SPTBN4: variants seen among roughly 807,000 people sequenced by gnomAD.
SPTBN4 encodes the protein spectrin beta chain, non-erythrocytic 4.
Under a neutral mutation model 277.8 loss-of-function variants are expected in SPTBN4, and 96 were observed. The observed-to-expected ratio is 0.35, with a 90% CI of 0.29 to 0.41. SPTBN4 has a LOEUF of 0.41. Ranked by LOEUF, SPTBN4 falls within the 10% of genes least tolerant of loss-of-function variation. The pLI is 1.00. For missense variants in SPTBN4, 3,006 were observed against 3,595.7 expected (o/e 0.84, Z 4.19); for synonymous variants, 1,481 against 1,580.3 (o/e 0.94, Z 1.49).
chr19:40,518,054 C>T (rs748960904), intron 15 of SPTBN4, among the ~76,000 whole-genome samples: 7 of 152,144 alleles, frequency 4.6e-5, no homozygotes, highest in Admixed American at 2.0e-4. Flanking sequence ...GCCTGTAATC[C>T]TAGCATTTTG....
At chr19:40,499,480 C>G (rs1453493257) in intron 7 of SPTBN4, among the ~76,000 whole-genome samples, 47 of 152,046 alleles carry the variant, frequency 3.1e-4, no homozygotes, top group Admixed American at 3.1e-3. Flanking sequence ...GCTTCAACCT[C>G]CTGTGCTCAA....
At position 40,512,818 on chromosome 19, in the gene SPTBN4, G is replaced by A; in HGVS notation, c.2029G>A (p.Gly677Ser). 13 of 1,443,708 alleles carry A rather than the reference G, an allele frequency of 9.0e-6. No homozygotes were observed. Among genetic ancestry groups the A allele is most frequent in the Admixed American group, 2.9e-5 (1 of 34,400 alleles). 89.4% of individuals were successfully genotyped at this position (1,443,708 alleles called of 1,614,324 possible). Residue 677 changes from glycine (G) to serine (S), a missense_variant, in exon 14 of 36, where the codon GGC becomes AGC. By Grantham distance (56) the Gly-to-Ser change is moderately conservative. Coordinates refer to ENST00000598249, the MANE Select transcript of SPTBN4 (RefSeq NM_020971.3). ...LEAAGGGGAA[G>S]AAGAAGTAGG... is the part of the protein sequence containing the mutation. ...GGCTGCGGGCGGCGGCGGTGCGGCG[G>A]GCGCAGCGGGCGCAGCGGGAACAGC...
chr19:40,480,225 G>A (rs1234822699), intron 2 of SPTBN4, among the ~76,000 whole-genome samples: 4 of 150,382 alleles, frequency 2.7e-5, no homozygotes, highest in South Asian at 2.1e-4. Context: ...CACTCCAGCC[G>A]GGGTTAACAG....
At position 40,570,655 on chromosome 19, in the gene SPTBN4, A is replaced by G. The variant is rs1282229007; in HGVS notation, c.7246A>G (p.Thr2416Ala). 2 of 1,550,588 alleles carry G rather than the reference A, an allele frequency of 1.3e-6. No individual in the cohort carries two copies. The highest frequency in any genetic ancestry group is 5.4e-5 in the East Asian group (2 of 37,352). ...CGCCCCCGCGCCTCCGCCACCGCCCACTCACACAGTGCAGCACGAGGGCTT... is the reference window on the plus strand; with the variant it reads ...CGCCCCCGCGCCTCCGCCACCGCCCGCTCACACAGTGCAGCACGAGGGCTT... ...GSAPAPPPPP[T>A]HTVQHEGFLL... The change falls in exon 33 of 36, where the codon ACT becomes GCT. Residue 2416 changes from threonine to alanine, a missense_variant. Physicochemically the swap from Thr to Ala is moderately conservative, Grantham distance 58. Coordinates refer to ENST00000598249, the MANE Select transcript of SPTBN4 (RefSeq NM_020971.3).
Position 40,562,290 on chromosome 19 carries a change from G to A in SPTBN4, c.5915+1887G>A, listed in dbSNP as rs555500596. ...TATACCTGTCATCCCAGCACTTTGG[G>A]AGGCCAAGGCGGGTGGATCACTTGA... is the stretch of plus-strand genomic sequence containing the variant. On this transcript the variant is annotated intron_variant, in intron 27 of 35. Coordinates refer to ENST00000598249, the MANE Select transcript of SPTBN4 (RefSeq NM_020971.3). Among the ~76,000 whole-genome samples, 4 of 152,266 alleles carry A rather than the reference G, an allele frequency of 2.6e-5. No individual in the cohort carries two copies. The South Asian group carries it at 8.3e-4, about 32-fold the overall frequency.
intron 12 of SPTBN4, among the ~76,000 whole-genome samples, chr19:40,505,800 T>G (rs1276128929): frequency 1.4e-5 from 2 of 143,460 alleles, no homozygotes; most frequent in Non-Finnish European, 3.1e-5. Context: ...GAACAGGAGA[T>G]GGAGAGAAAG....
intron 15 of SPTBN4, among the ~76,000 whole-genome samples, chr19:40,518,850 C>T (rs148939605): frequency 7.5e-4 from 114 of 152,196 alleles, no homozygotes; most frequent in Middle Eastern, 3.4e-3. Flanking sequence ...GTGCCATAAA[C>T]GAGTTCATGA....
intron 17 of SPTBN4, among the ~76,000 whole-genome samples, chr19:40,526,689 A>G (rs769328365): frequency 2.4e-4 from 36 of 152,090 alleles, no homozygotes; most frequent in Non-Finnish European, 4.1e-4. Context: ...GGCTCAAACA[A>G]TCCTCCTGCC....
intron 2 of SPTBN4, among the ~76,000 whole-genome samples, chr19:40,481,016 G>T (rs2080004980): frequency 2.6e-5 from 4 of 152,122 alleles, no homozygotes; most frequent in African/African-American, 9.7e-5. Flanking sequence ...GGTGAGCCAA[G>T]ATAGTGCCAC....
At chr19:40,483,116 C>G (rs1352855611) in intron 2 of SPTBN4, among the ~76,000 whole-genome samples, 1 of 152,008 alleles carries the variant, frequency 6.6e-6, no homozygotes, top group South Asian at 2.1e-4. Flanking sequence ...AGTCCAAATC[C>G]CTCTTTTTGC....
intron 12 of SPTBN4, among the ~76,000 whole-genome samples, chr19:40,505,382 CAAAAAAAAAAAAA>C (rs1209780246): frequency 1.8e-5 from 1 of 55,864 alleles, no homozygotes; most frequent in South Asian, 6.7e-4. Flanking sequence ...GACCCTGTCT[CAAAAAAAAAAAAA>C]AAAAAAAAAG....
intron 26 of SPTBN4, among the ~76,000 whole-genome samples, chr19:40,557,789 G>A (rs1599807374): frequency 6.6e-6 from 1 of 151,924 alleles, no homozygotes; most frequent in Middle Eastern, 3.4e-3. Flanking sequence ...CTGGTGGCGG[G>A]CACCTGTAAT....
chr19:40,533,689 C>G (rs1318358866), intron 19 of SPTBN4, among the ~76,000 whole-genome samples: 3 of 152,086 alleles, frequency 2.0e-5, no homozygotes, highest in Non-Finnish European at 4.4e-5. Context: ...CTGTCTATCC[C>G]TCTATCCTTG....
rs2081084656 is a variant in SPTBN4 at position 40,565,686 on chromosome 19, G to A, written c.6080G>A (p.Gly2027Glu). 6.4e-7 allele frequency: 1 copy of A among 1,555,456 alleles called. No homozygotes were observed. The highest frequency in any genetic ancestry group is 2.4e-5 in the East Asian group (1 of 41,164). Residue 2027 changes from glycine to glutamate, a missense_variant, in exon 29 of 36, where the codon GGA becomes GAA. Around this residue, in one of 5 missense-constraint regions of SPTBN4, gnomAD observed 425 missense variants for 594.7 expected, o/e 0.71. Transcript: ENST00000598249. ...DEIQAQLDKL[G>E]TRKEEVSEKW... Reference sequence around the variant, plus strand: ...ATCCAGGCACAGCTGGACAAGCTGGGAACCAGGAAGGAGGAGGTGTCGGAA... The same window carrying A: ...ATCCAGGCACAGCTGGACAAGCTGGAAACCAGGAAGGAGGAGGTGTCGGAA...
intron 3 of SPTBN4, among the ~76,000 whole-genome samples, chr19:40,488,735 G>A (rs2080101798): frequency 6.6e-6 from 1 of 152,146 alleles, no homozygotes; most frequent in Admixed American, 6.5e-5. Context: ...GCTTGAGCCT[G>A]GGAGGTCGAG....
rs768154498 is a variant in SPTBN4, at chr19:40,556,052, G to C, written c.5085-32G>C. On this transcript the variant is annotated intron_variant, in intron 24 of 35. Coordinates refer to ENST00000598249, the MANE Select transcript of SPTBN4 (RefSeq NM_020971.3). ...ACGCTCTGCCCCAGAAGTCTCAGGG[G>C]TCCATCCCTGCCCCTCCATGTCCCC... The C allele has an allele frequency of 8.1e-5, 128 of 1,585,202 alleles. No individual in the cohort carries two copies. The Middle Eastern group carries it at 1.4e-3, about 17-fold the overall frequency.
chr19:40,527,052 T>C (rs1321954948), intron 17 of SPTBN4, among the ~76,000 whole-genome samples: 1 of 152,196 alleles, frequency 6.6e-6, no homozygotes, highest in African/African-American at 2.4e-5. Flanking sequence ...CAGGAGGCAG[T>C]CAGTGCTTCG....
rs369390989 is a variant in SPTBN4, at chr19:40,506,325, C to T, written c.1755C>T (p.Ala585=). The T allele has an allele frequency of 1.5e-4, 249 of 1,614,002 alleles. 1 individual carries two copies. Among genetic ancestry groups the T allele is most frequent in the Middle Eastern group, 6.6e-4 (4 of 6,078 alleles). ...QKHGLLEGDI[A]AQSERVEALN... is the part of the protein sequence containing the mutation. ...ATGGACTGCTGGAGGGAGACATTGC[C>T]GCCCAGAGCGAGCGGGTGGAGGCTC... Residue 585 remains alanine (A), a synonymous_variant, in exon 13 of 36, where the codon GCC becomes GCT. Coordinates refer to ENST00000598249, the MANE Select transcript of SPTBN4 (RefSeq NM_020971.3).
intron 12 of SPTBN4, among the ~76,000 whole-genome samples, chr19:40,504,465 C>CAAG (rs2080301078): frequency 6.6e-6 from 1 of 151,814 alleles, no homozygotes; most frequent in Admixed American, 6.6e-5. Flanking sequence ...TCAGCAGTTT[C>CAAG]AGACCAGCCT....
Sources: gnomAD v4.1 joint callset for allele counts (sites outside exome capture counted in the v4.1 genomes callset) on GRCh38, gnomAD v4.1.1 for gene constraint, gnomAD v4.1.1 regional missense constraint, MANE v1.5 for transcripts, NCBI Gene and HGNC (gene_info 2026-07-23, HGNC 2026-07-21) for gene names.